Variants in MROH1 observed in about 807,000 individuals in gnomAD.
MROH1 encodes maestro heat-like repeat-containing protein family member 1.
A neutral mutation model predicts 116.5 loss-of-function variants in MROH1; 117 were observed. That is an observed-to-expected ratio of 1.00 (90% CI 0.86 to 1.17). The LOEUF (loss-of-function observed/expected upper bound fraction) is 1.17. MROH1 is among the 50% of genes most tolerant of loss of function. MROH1 has a pLI of 0.00. For missense variants in MROH1, 1,873 were observed against 1,338.5 expected (o/e 1.40, Z -6.23); for synonymous variants, 921 against 583.9 (o/e 1.58, Z -8.32).
In MROH1 at chr8:144,192,185, A is replaced by T. The variant is rs1828784629; in HGVS notation, c.856-124A>T. ...GAAAGGCCTCCTCATTTGAGCCCCA[A>T]GGTGGGGCCCATGTCCTCCTGGCCC... On this transcript the variant is annotated intron_variant, in intron 9 of 43. Coordinates refer to ENST00000326134, the MANE Select transcript of MROH1 (RefSeq NM_032450.3). 4 of 798,726 alleles carry T rather than the reference A, an allele frequency of 5.0e-6. No individual in the cohort carries two copies. The South Asian group carries it at 7.2e-5, about 14-fold the overall frequency. The allele number at this position is 798,726 out of a possible 1,614,324, so 49.5% of individuals were successfully genotyped here.
rs780241144 is a variant in MROH1 at position 144,179,580 on chromosome 8, G to A, written c.294G>A (p.Lys98=). ...TCCTGGCCTCCAGCGAGATGACCAA[G>A]ACGAAGGTATTCAGCAGGCCCTCTG... ...IILLASSEMT[K]TKDLVWDWQQ... The change falls in exon 5 of 44, where the codon AAG becomes AAA. Residue 98 remains lysine, a synonymous_variant. Transcript: ENST00000326134. 2 of 1,609,050 alleles carry A rather than the reference G, an allele frequency of 1.2e-6. No individual in the cohort carries two copies. Among genetic ancestry groups the A allele is most frequent in the Non-Finnish European group, 1.7e-6 (2 of 1,178,064 alleles).
chr8:144,258,391 A>G (rs888359700), intron 35 of MROH1, among the ~76,000 whole-genome samples: 69 of 152,316 alleles, frequency 4.5e-4, no homozygotes, highest in African/African-American at 1.5e-3. Flanking sequence ...TACAGGTGTG[A>G]GAACCCGAGG....
chr8:144,225,104 T>C (rs1401702224), intron 14 of MROH1, among the ~76,000 whole-genome samples: 1 of 152,150 alleles, frequency 6.6e-6, no homozygotes, highest in East Asian at 1.9e-4. Context: ...AGTGGCACGA[T>C]AATGGCCCAT....
intron 3 of MROH1, among the ~76,000 whole-genome samples, chr8:144,164,397 T>C (rs1399232550): frequency 7.2e-6 from 1 of 138,090 alleles, no homozygotes; most frequent in Non-Finnish European, 1.5e-5. Flanking sequence ...GGAGTGAGAC[T>C]CGGTCCCCCC....
chr8:144,204,196 G>C (rs1832340898), intron 12 of MROH1, among the ~76,000 whole-genome samples: 1 of 152,060 alleles, frequency 6.6e-6, no homozygotes, highest in South Asian at 2.1e-4. Context: ...CTGTAGCCTT[G>C]AGCTCCTGTG....
intron 2 of MROH1, among the ~76,000 whole-genome samples, chr8:144,162,884 G>A (rs1423754207): frequency 1.3e-5 from 2 of 151,228 alleles, no homozygotes; most frequent in African/African-American, 4.9e-5. Context: ...CACCACGACC[G>A]GCTAATTTTT....
Position 144,180,507 on chromosome 8 carries a change from CG to C in MROH1, c.547del (p.Val183TrpfsTer18). On this transcript the variant is annotated frameshift_variant, in exon 7 of 44. Coordinates refer to ENST00000326134, the MANE Select transcript of MROH1 (RefSeq NM_032450.3). LOFTEE classifies it high-confidence loss of function. The surrounding 1 kb of genome is among the most constrained non-coding windows in gnomAD (Gnocchi z 7.4). ...LGVAKQDTVR[V>X]AFCSALQRFS... The stretch of plus-strand genomic sequence containing the variant: ...GCGTGGCCAAGCAGGACACGGTGCG[CG>C]TGGCCTTCTGCTCCGGTAAGAGGCG... 1 of 1,610,766 alleles carries C rather than the reference CG, an allele frequency of 6.2e-7. No individual in the cohort carries two copies. The highest frequency in any genetic ancestry group is 8.5e-7 in the Non-Finnish European group (1 of 1,179,800).
chr8:144,210,213 C>T (rs1323744353), intron 12 of MROH1, among the ~76,000 whole-genome samples: 1 of 152,024 alleles, frequency 6.6e-6, no homozygotes, highest in Non-Finnish European at 1.5e-5. Context: ...CTGAGAGGGG[C>T]GGATCACTTG....
At chr8:144,172,833 A>G (rs963088912) in intron 4 of MROH1, among the ~76,000 whole-genome samples, 4 of 152,152 alleles carry the variant, frequency 2.6e-5, no homozygotes, top group Admixed American at 1.3e-4. Flanking sequence ...GTATTGATTT[A>G]CGTCTTTGCC....
chr8:144,246,965 GC>G (rs1842023258), intron 29 of MROH1, among the ~76,000 whole-genome samples: 2 of 152,212 alleles, frequency 1.3e-5, no homozygotes, highest in African/African-American at 4.8e-5. Context: ...CCCATTTGGG[GC>G]CCCCTCCTCA....
intron 1 of MROH1, among the ~76,000 whole-genome samples, chr8:144,150,178 G>A (rs1457208565): frequency 2.0e-5 from 3 of 152,170 alleles, no homozygotes; most frequent in South Asian, 4.1e-4. Context: ...TTTTGTGGCC[G>A]GAGGGCTTTC....
chr8:144,166,159 G>A (rs951991804), intron 3 of MROH1, among the ~76,000 whole-genome samples: 4 of 152,070 alleles, frequency 2.6e-5, no homozygotes, highest in African/African-American at 4.8e-5. Context: ...GATTACAGGC[G>A]TGAGCCACTG....
chr8:144,167,922 A>T (rs953399862), intron 3 of MROH1, among the ~76,000 whole-genome samples: 1 of 152,026 alleles, frequency 6.6e-6, no homozygotes, highest in East Asian at 1.9e-4. Flanking sequence ...GAGTGAGCCA[A>T]TGTCTTCAAG....
intron 14 of MROH1, among the ~76,000 whole-genome samples, chr8:144,236,942 G>A (rs1357578117): frequency 3.0e-5 from 3 of 100,710 alleles, no homozygotes; most frequent in Non-Finnish European, 5.3e-5. Flanking sequence ...GTCTCGCTCT[G>A]TCGCCCAGGC....
chr8:144,257,859 C>T (rs1008117718), intron 35 of MROH1, among the ~76,000 whole-genome samples: 5 of 152,244 alleles, frequency 3.3e-5, no homozygotes, highest in Non-Finnish European at 7.3e-5. Context: ...GACAGAGGTC[C>T]AAAGGCGGCG....
At chr8:144,240,704 G>A (rs1840827491) in intron 20 of MROH1, 27 bp downstream of exon 20, 2 of 713,176 alleles carry the variant, frequency 2.8e-6, no homozygotes, top group Non-Finnish European at 5.2e-6. Context: ...CGTTCTTGGT[G>A]TGGTACTTGG....
chr8:144,237,283 C>T (rs1369573631), intron 14 of MROH1, among the ~76,000 whole-genome samples: 3 of 152,204 alleles, frequency 2.0e-5, no homozygotes, highest in East Asian at 1.9e-4. Context: ...GGGGTCCATG[C>T]GCAGTCCCTG....
intron 7 of MROH1, among the ~76,000 whole-genome samples, chr8:144,183,453 T>C (rs1449704385): frequency 2.7e-5 from 4 of 150,594 alleles, no homozygotes; most frequent in African/African-American, 9.8e-5. Flanking sequence ...TGGTCTGTTA[T>C]TCTGAAAAAA....
At chr8:144,245,836 A>AT (rs1841790246) in intron 29 of MROH1, among the ~76,000 whole-genome samples, 1 of 149,798 alleles carries the variant, frequency 6.7e-6, no homozygotes, top group Non-Finnish European at 1.5e-5. Context: ...ATTTTCTTTT[A>AT]TTTTTTGTAG....
Sources: allele counts gnomAD v4.1 joint callset (sites outside exome capture counted in the v4.1 genomes callset), GRCh38; gene constraint gnomAD v4.1.1; non-coding constraint Gnocchi (gnomAD v3.1); transcripts MANE v1.5; gene names NCBI Gene and HGNC (gene_info 2026-07-23, HGNC 2026-07-21).